Variants in HIVEP3 observed in about 807,000 individuals in gnomAD.
HIVEP3 encodes the protein transcription factor HIVEP3.
HIVEP3 carries 49 observed loss-of-function variants against 152.8 expected under a neutral mutation model. The observed-to-expected ratio is 0.32, with a 90% CI of 0.26 to 0.41. The LOEUF (loss-of-function observed/expected upper bound fraction) is 0.41, where lower values mean the gene tolerates loss of function less well. Ranked by LOEUF, HIVEP3 falls within the 10% of genes least tolerant of loss-of-function variation. The pLI is 1.00. For synonymous variants in HIVEP3, 1,269 were observed against 1,289.0 expected (o/e 0.98, Z 0.33); for missense variants, 2,790 against 3,103.3 (o/e 0.90, Z 2.40).
intron 1 of HIVEP3, among the ~76,000 whole-genome samples, chr1:42,010,671 C>A (rs1003738026): frequency 2.0e-5 from 3 of 152,176 alleles, no homozygotes; most frequent in African/African-American, 7.2e-5. Flanking sequence ...TATTACTTTG[C>A]AGTGCTTTCT....
chr1:41,937,557 C>T (rs1645025893), intron 1 of HIVEP3, among the ~76,000 whole-genome samples: 1 of 152,156 alleles, frequency 6.6e-6, no homozygotes, highest in Admixed American at 6.5e-5. Context: ...ACAAAAGGCA[C>T]ACTGCATCTC....
intron 3 of HIVEP3, among the ~76,000 whole-genome samples, chr1:41,595,510 C>G (rs10493100): frequency 0.029 from 4,472 of 152,138 alleles, 203 homozygotes; most frequent in African/African-American, 0.095. Context: ...GTCAGCATAC[C>G]CTTGTTTGAG....
intron 2 of HIVEP3, among the ~76,000 whole-genome samples, chr1:41,649,344 C>T (rs113838068): frequency 2.5e-3 from 382 of 152,358 alleles, no homozygotes; most frequent in African/African-American, 8.3e-3. Flanking sequence ...TCTGATTCTA[C>T]AGCTGCGGGG....
Position 41,582,570 on chromosome 1 carries a change from G to A in HIVEP3, c.2228C>T (p.Ser743Phe). The change falls in exon 4 of 9, where the codon TCT becomes TTT. Residue 743 changes from serine (S) to phenylalanine (F), a missense_variant. Physicochemically the swap from Ser to Phe is radical, Grantham distance 155. Coordinates refer to ENST00000372583, the MANE Select transcript of HIVEP3 (RefSeq NM_024503.5). This position sits in a 1 kb window ranked among gnomAD's most constrained non-coding sequence, Gnocchi z 4.7. ...CAGGGGAAGGTTCCGAGCAGCATCA[G>A]ATGGCCCGGGGCTGCCAAACTGACT... Reference protein sequence around the residue: ...TKSQFGSPGPSDAARNLPLES... With the variant: ...TKSQFGSPGPFDAARNLPLES... 6.2e-7 allele frequency: 1 copy of A among 1,612,254 alleles called. No homozygotes were observed. The highest frequency in any genetic ancestry group is 8.5e-7 in the Non-Finnish European group (1 of 1,178,922).
intron 1 of HIVEP3, among the ~76,000 whole-genome samples, chr1:41,863,400 C>T (rs566259072): frequency 1.3e-5 from 2 of 152,240 alleles, no homozygotes; most frequent in South Asian, 4.1e-4. Context: ...ACAACCCTGA[C>T]TAAACTAGGA....
rs117564199 is a variant in HIVEP3 at position 41,676,941 on chromosome 1, C to A, written c.-721+23975G>T. Among the ~76,000 whole-genome samples the A allele has an allele frequency of 2.9e-4, 44 of 152,338 alleles. No individual in the cohort carries two copies. The East Asian group carries it at 7.1e-3, about 25-fold the overall frequency. ...AGCTGGGATGGTGAAGGCTAGGGAG[C>A]CAGCAGGGGCCATGGCCCTTCTCCA... On this transcript the variant is annotated intron_variant, in intron 2 of 8. Transcript: ENST00000372583.
intron 1 of HIVEP3, among the ~76,000 whole-genome samples, chr1:41,908,533 T>C (rs954947130): frequency 1.3e-5 from 2 of 152,196 alleles, no homozygotes; most frequent in Non-Finnish European, 2.9e-5. Context: ...TAAATACATG[T>C]GGATATATAC....
At chr1:41,878,922 C>G (rs533310909) in intron 1 of HIVEP3, among the ~76,000 whole-genome samples, 2 of 150,180 alleles carry the variant, frequency 1.3e-5, no homozygotes, top group African/African-American at 4.9e-5. Flanking sequence ...TCAACAAGCC[C>G]AGGTGATGGC....
At chr1:41,928,593 C>A (rs1318188706) in intron 1 of HIVEP3, among the ~76,000 whole-genome samples, 2 of 152,204 alleles carry the variant, frequency 1.3e-5, no homozygotes, top group Non-Finnish European at 2.9e-5. Context: ...GGATTCAATT[C>A]AGGATCCCAC....
intron 2 of HIVEP3, among the ~76,000 whole-genome samples, chr1:41,687,871 G>A (rs1646136716): frequency 6.6e-6 from 1 of 152,228 alleles, no homozygotes; most frequent in African/African-American, 2.4e-5. Context: ...ATGAACATGA[G>A]ATATGTACTC....
intron 5 of HIVEP3, among the ~76,000 whole-genome samples, chr1:41,564,107 T>G (rs1398732938): frequency 6.6e-6 from 1 of 152,038 alleles, no homozygotes; most frequent in East Asian, 1.9e-4. Flanking sequence ...GCAGGAGAAT[T>G]GCTTGAATCT....
chr1:41,616,620 CTTT>C (rs34266558), intron 3 of HIVEP3, among the ~76,000 whole-genome samples: 6 of 112,452 alleles, frequency 5.3e-5, no homozygotes, highest in Admixed American at 1.0e-4. Flanking sequence ...GATGGGGAGC[CTTT>C]TTTTTTTTTT....
chr1:41,879,100 G>A (rs1360711631), intron 1 of HIVEP3, among the ~76,000 whole-genome samples: 1 of 152,140 alleles, frequency 6.6e-6, no homozygotes, highest in East Asian at 1.9e-4. Context: ...AGGCGAACAA[G>A]GCCCAGTGCC....
intron 3 of HIVEP3, among the ~76,000 whole-genome samples, chr1:41,606,511 G>A (rs996732586): frequency 5.3e-5 from 8 of 151,976 alleles, no homozygotes; most frequent in Admixed American, 3.9e-4. Flanking sequence ...AAGCCACTCA[G>A]TATGAATGGA....
chr1:41,794,420 A>G (rs1345147869), intron 1 of HIVEP3, among the ~76,000 whole-genome samples: 1 of 152,220 alleles, frequency 6.6e-6, no homozygotes, highest in East Asian at 1.9e-4. Context: ...CCTTATCCAT[A>G]TCAGTGATTA....
intron 1 of HIVEP3, among the ~76,000 whole-genome samples, chr1:41,845,608 T>G (rs1447110857): frequency 6.6e-6 from 1 of 152,198 alleles, no homozygotes; most frequent in Non-Finnish European, 1.5e-5. Context: ...CATATATGGT[T>G]TTATAGGCAC....
intron 2 of HIVEP3, among the ~76,000 whole-genome samples, chr1:41,649,218 A>C (rs775941932): frequency 1.1e-4 from 16 of 152,338 alleles, no homozygotes; most frequent in Admixed American, 5.2e-4. Flanking sequence ...TCTGGGAGAC[A>C]AAAATGTCTC....
chr1:41,718,516 T>G (rs1430908153), intron 1 of HIVEP3, among the ~76,000 whole-genome samples: 1 of 152,184 alleles, frequency 6.6e-6, no homozygotes, highest in African/African-American at 2.4e-5. Context: ...AACACTGGTA[T>G]GAAGTGTTAG....
Position 41,662,252 on chromosome 1 carries a change from C to A in HIVEP3, c.-720-33305G>T, listed in dbSNP as rs1049828668. The A allele has an allele frequency of 6.9e-6, 1 of 145,850 alleles. No individual in the cohort carries two copies. Among genetic ancestry groups the A allele is most frequent in the African/African-American group, 2.5e-5 (1 of 40,754 alleles). The allele number at this position is 145,850 out of a possible 1,614,324, so 9.0% of individuals were successfully genotyped here. Reference sequence around the variant, plus strand: ...GCAGCGCCCGCGCGCTCGGCTCCGCCCGGCTCGGCTCCGCCCGGCGGTGCC... The same window carrying A: ...GCAGCGCCCGCGCGCTCGGCTCCGCACGGCTCGGCTCCGCCCGGCGGTGCC... On this transcript the variant is annotated intron_variant, in intron 2 of 8. Transcript: ENST00000372583. The surrounding 1 kb of genome is among the most constrained non-coding windows in gnomAD (Gnocchi z 7.2).
Sources: gnomAD v4.1 joint callset for allele counts (sites outside exome capture counted in the v4.1 genomes callset) on GRCh38, gnomAD v4.1.1 for gene constraint, Gnocchi (gnomAD v3.1) non-coding constraint, MANE v1.5 for transcripts, NCBI Gene and HGNC (gene_info 2026-07-23, HGNC 2026-07-21) for gene names.